The following ZFHX3 variants were observed in gnomAD, a reference collection of about 807,000 sequenced individuals.
ZFHX3 encodes zinc finger homeobox 3, also known as zinc finger homeobox protein 3.
A neutral mutation model predicts 279.1 loss-of-function variants in ZFHX3; 42 were observed. That is an observed-to-expected ratio of 0.15 (90% confidence interval 0.12 to 0.19). The LOEUF (loss-of-function observed/expected upper bound fraction) is 0.19. Ranked by LOEUF, ZFHX3 falls within the 10% of genes least tolerant of loss-of-function variation. ZFHX3 has a pLI of 1.00. For synonymous variants in ZFHX3, 2,293 were observed against 1,957.8 expected, an observed-to-expected ratio of 1.17 and a Z score of -4.52; for missense variants, 4,981 against 4,754.0, an observed-to-expected ratio of 1.05 and a Z score of -1.40.
intron 3 of ZFHX3, among the ~76,000 whole-genome samples, chr16:72,900,945 CAA>C (rs1486803098): frequency 2.0e-5 from 3 of 152,184 alleles, no homozygotes; most frequent in African/African-American, 4.8e-5. Flanking sequence ...TGGCTTTTCC[CAA>C]AGAGTATCTT....
chr16:73,590,729 G>A (rs2051985709), intron 2 of ZFHX3, among the ~76,000 whole-genome samples: 1 of 152,164 alleles, frequency 6.6e-6, no homozygotes, highest in Non-Finnish European at 1.5e-5. Flanking sequence ...TTTGTTTTGA[G>A]AAGTTTTCCA....
upstream of ZFHX3, chr16:73,061,576 A>G (rs931099123): frequency 6.6e-6 from 1 of 151,856 alleles, no homozygotes; most frequent in Non-Finnish European, 1.5e-5. Context: ...AGGGCAGGTC[A>G]GTGTAAAATG....
intron 4 of ZFHX3, among the ~76,000 whole-genome samples, chr16:72,849,310 G>A (rs541293171): frequency 1.3e-5 from 2 of 152,270 alleles, no homozygotes; most frequent in South Asian, 2.1e-4. Flanking sequence ...AGAGAAAAAC[G>A]TGGCTTGGTC....
chr16:73,855,477 C>T (rs1038551837), intron 1 of ZFHX3, among the ~76,000 whole-genome samples: 3 of 151,944 alleles, frequency 2.0e-5, no homozygotes, highest in African/African-American at 7.3e-5. Context: ...GCTGTCCAGG[C>T]CTCCAGTAAC....
intron 3 of ZFHX3, among the ~76,000 whole-genome samples, chr16:73,370,480 G>A (rs2016607988): frequency 6.6e-6 from 1 of 152,118 alleles, no homozygotes; most frequent in African/African-American, 2.4e-5. Flanking sequence ...CCATTAATGG[G>A]GTGTCATTTG....
intron 1 of ZFHX3, among the ~76,000 whole-genome samples, chr16:73,778,174 A>G (rs1177409096): frequency 6.6e-6 from 1 of 150,652 alleles, no homozygotes; most frequent in African/African-American, 2.4e-5. Flanking sequence ...AATAATTCTT[A>G]TGCAACAACT....
chr16:73,187,003 G>C (rs977816221), intron 5 of ZFHX3, among the ~76,000 whole-genome samples: 3 of 152,174 alleles, frequency 2.0e-5, no homozygotes, highest in African/African-American at 7.2e-5. Context: ...CAGCTTTCAG[G>C]CCAGAAAGGT....
chr16:72,794,828 C>T lies in ZFHX3; in HGVS notation c.7854G>A (p.Leu2618=), dbSNP rs139779175. The change falls in exon 9 of 10, where the codon CTG becomes CTA. Residue 2618 remains leucine (L), a synonymous_variant. Transcript: ENST00000268489. This position sits in a 1 kb window ranked among gnomAD's most constrained non-coding sequence, Gnocchi z 4.2. ...CAGGGCTTGCACTGGCCTTTTCCTC[C>T]AGCTTCCTCTTGAGAGTGTTCATTG... ...TSTMNTLKRK[L]EEKASASPGE... 1.9e-6 allele frequency: 3 copies of T among 1,614,022 alleles called. No individual in the cohort carries two copies. In the African/African-American group the frequency reaches 4.0e-5, roughly 22 times the overall value.
intron 3 of ZFHX3, among the ~76,000 whole-genome samples, chr16:72,946,202 C>T (rs1358325238): frequency 3.3e-5 from 5 of 152,174 alleles, no homozygotes; most frequent in Non-Finnish European, 7.3e-5. Context: ...TGGCCATGTG[C>T]ATGAATCAAT....
intron 8 of ZFHX3, chr16:73,093,161 A>C (rs1422529674): frequency 1.9e-6 from 1 of 519,944 alleles, no homozygotes; most frequent in Non-Finnish European, 3.8e-6. Context: ...ACGAGCCCTC[A>C]CCTCCAGCAG....
rs2143435249 is a variant in ZFHX3, at chr16:73,402,378, T to A, written c.-1291+53625A>T. On this transcript the variant is annotated intron_variant, in intron 3 of 17. Transcript: ENST00000641206. ...TGAAGGGCAACTTGGTAGTTGTTTT[T>A]GTTGCTAATATCCAATTCCCCATGG... The A allele has an allele frequency of 1.3e-5, 2 of 152,350 alleles. 1 individual carries two copies. The highest frequency in any genetic ancestry group is 6.8e-3 in the Middle Eastern group (2 of 294). 9.4% of individuals were successfully genotyped at this position (152,350 alleles called of 1,614,324 possible). A position where few individuals can be genotyped will look rare whatever the true frequency, so the allele number is the denominator to read the frequency against.
At chr16:73,271,333 C>T (rs1343411146) in intron 4 of ZFHX3, among the ~76,000 whole-genome samples, 1 of 152,146 alleles carries the variant, frequency 6.6e-6, no homozygotes, top group Non-Finnish European at 1.5e-5. Flanking sequence ...TCAGTGTGTC[C>T]CATAGGCCAT....
intron 3 of ZFHX3, among the ~76,000 whole-genome samples, chr16:73,437,607 G>A (rs1013388214): frequency 6.6e-6 from 1 of 151,978 alleles, no homozygotes; most frequent in Admixed American, 6.6e-5. Context: ...TCTTCCTATA[G>A]AAGACATTTC....
intron 1 of ZFHX3, among the ~76,000 whole-genome samples, chr16:73,779,221 T>C (rs1366097696): frequency 6.6e-6 from 1 of 152,164 alleles, no homozygotes; most frequent in East Asian, 1.9e-4. Context: ...TTTTTCTTTA[T>C]CGACTGAGCT....
At chr16:73,533,632 C>A (rs749594752) in intron 2 of ZFHX3, among the ~76,000 whole-genome samples, 1 of 152,050 alleles carries the variant, frequency 6.6e-6, no homozygotes, top group Non-Finnish European at 1.5e-5. Flanking sequence ...AGCATCTTCA[C>A]TTGAATTTTT....
intron 5 of ZFHX3, among the ~76,000 whole-genome samples, chr16:73,180,810 G>A (rs565243785): frequency 3.3e-5 from 5 of 149,476 alleles, no homozygotes; most frequent in African/African-American, 1.2e-4. Flanking sequence ...TTACAGGTGC[G>A]CACCACCACA....
chr16:73,495,367 T>C (rs1372585838), intron 2 of ZFHX3, among the ~76,000 whole-genome samples: 1 of 152,172 alleles, frequency 6.6e-6, no homozygotes, highest in Non-Finnish European at 1.5e-5. Context: ...TCTGATCCAG[T>C]CAAGCCATCT....
intron 3 of ZFHX3, among the ~76,000 whole-genome samples, chr16:72,949,912 T>TTTC: frequency 2.2e-5 from 1 of 44,498 alleles, no homozygotes. Flanking sequence ...TTTTCTTTTC[T>TTTC]TTTTTTTTTT....
At chr16:73,810,256 G>A (rs1221479119) in intron 1 of ZFHX3, among the ~76,000 whole-genome samples, 3 of 152,132 alleles carry the variant, frequency 2.0e-5, no homozygotes, top group Admixed American at 2.0e-4. Context: ...CAATCAAATA[G>A]TCTCTTGCCA....
Sources: allele counts gnomAD v4.1 joint callset (sites outside exome capture counted in the v4.1 genomes callset), GRCh38; gene constraint gnomAD v4.1.1; non-coding constraint Gnocchi (gnomAD v3.1); transcripts MANE v1.5; gene names NCBI Gene and HGNC (gene_info 2026-07-23, HGNC 2026-07-21).